The following PCDH11X variants were observed in gnomAD, a reference collection of about 807,000 sequenced individuals.
PCDH11X encodes the protein protocadherin 11 X-linked.
A neutral mutation model predicts 53.3 loss-of-function variants in PCDH11X; 18 were observed. That is an observed-to-expected ratio of 0.34 (90% CI 0.23 to 0.50). The LOEUF (loss-of-function observed/expected upper bound fraction) is 0.50. Among genes scored for constraint, PCDH11X ranks in the 20% least tolerant of loss-of-function variants. The pLI is 0.98. For synonymous variants in PCDH11X, 279 were observed against 393.3 expected (o/e 0.71, Z 3.44); for missense variants, 570 against 1,032.4 (o/e 0.55, Z 6.14).
In PCDH11X at chrX:92,605,998, G is replaced by A. The variant is rs184543220; in HGVS notation, c.3368-12266G>A. Among the ~76,000 whole-genome samples the A allele has an allele frequency of 1.5e-4, 17 of 110,487 alleles. No homozygotes were observed. The East Asian group carries it at 3.2e-3, about 21-fold the overall frequency. ...TGTAATCCCAGCACTTTGGGAGACC[G>A]AGGCGGGCGGATCACCTGAGGTTGG... On this transcript the variant is annotated intron_variant, in intron 10 of 10. Transcript: ENST00000682573.
intron 7 of PCDH11X, among the ~76,000 whole-genome samples, chrX:92,249,918 A>G (rs1158342871): frequency 9.0e-6 from 1 of 111,558 alleles, no homozygotes; most frequent in African/African-American, 3.2e-5. Context: ...TCGTCCCATG[A>G]TATTGTGTCT....
intron 7 of PCDH11X, among the ~76,000 whole-genome samples, chrX:92,233,790 T>G (rs758997980): frequency 2.8e-4 from 32 of 112,428 alleles, no homozygotes; most frequent in Middle Eastern, 9.2e-3. Flanking sequence ...CACAGTGTGT[T>G]ATGGATACAA....
intron 6 of PCDH11X, among the ~76,000 whole-genome samples, chrX:92,196,730 G>T (rs1033956834): frequency 9.0e-6 from 1 of 111,392 alleles, no homozygotes; most frequent in African/African-American, 3.3e-5. Flanking sequence ...GGGAATAGAA[G>T]ATTGTGAGGC....
chrX:92,434,449 T>C (rs1272416131), intron 9 of PCDH11X, among the ~76,000 whole-genome samples: 1 of 110,250 alleles, frequency 9.1e-6, no homozygotes, highest in Non-Finnish European at 1.9e-5. Flanking sequence ...TGAATTAAAT[T>C]TATAGGGTAA....
chrX:92,018,816 A>G (rs1159435107), intron 6 of PCDH11X, among the ~76,000 whole-genome samples: 1 of 112,643 alleles, frequency 8.9e-6, no homozygotes, highest in Non-Finnish European at 1.9e-5. Flanking sequence ...CCTGTGTTCT[A>G]GGCACACTAC....
intron 9 of PCDH11X, among the ~76,000 whole-genome samples, chrX:92,417,820 ATT>A (rs61034265): frequency 1.5e-5 from 1 of 67,535 alleles, no homozygotes; most frequent in Non-Finnish European, 2.6e-5. Flanking sequence ...CTTTTCTTCC[ATT>A]TTTTTTTTTT....
At chrX:92,129,495 C>T (rs2064932698) in intron 6 of PCDH11X, among the ~76,000 whole-genome samples, 1 of 112,037 alleles carries the variant, frequency 8.9e-6, no homozygotes, top group Non-Finnish European at 1.9e-5. Context: ...AACTGAAAAG[C>T]ATACAAATTT....
chrX:92,221,256 T>TAAA (rs201957495), intron 7 of PCDH11X, among the ~76,000 whole-genome samples: 96 of 91,908 alleles, frequency 1.0e-3, no homozygotes, highest in African/African-American at 3.6e-3. Flanking sequence ...ATTTTTTTTT[T>TAAA]AAAAAAGAAA....
At chrX:91,910,075 G>A (rs1941321995) in intron 6 of PCDH11X, among the ~76,000 whole-genome samples, 1 of 110,952 alleles carries the variant, frequency 9.0e-6, no homozygotes. Context: ...TCCAGTAGTA[G>A]TGAGCATTTT....
At chrX:92,420,872 A>T (rs967884584) in intron 9 of PCDH11X, among the ~76,000 whole-genome samples, 7 of 110,319 alleles carry the variant, frequency 6.3e-5, no homozygotes, top group African/African-American at 2.0e-4. Flanking sequence ...ATTTCTTCAC[A>T]TTTTTTTTAT....
intron 8 of PCDH11X, among the ~76,000 whole-genome samples, chrX:92,269,311 A>AT (rs1354149775): frequency 8.9e-6 from 1 of 112,072 alleles, no homozygotes; most frequent in Non-Finnish European, 1.9e-5. Flanking sequence ...CACTGAGCAC[A>AT]TTTAGGTAGA....
rs375232499 is a variant in PCDH11X at position 91,872,269 on chromosome X, T to C, written c.541-4512T>C. ...ATTACATTTTTGAACAGAAAAGAAG[T>C]AGTTGTTTCAGGAAATAATTTTGAA... On this transcript the variant is annotated intron_variant, in intron 5 of 10. Coordinates refer to ENST00000682573, the MANE Select transcript of PCDH11X (RefSeq NM_032968.5). Among the ~76,000 whole-genome samples the C allele has an allele frequency of 4.6e-3, 496 of 106,900 alleles. 4 individuals carry two copies. Among genetic ancestry groups the C allele is most frequent in the African/African-American group, 0.016 (478 of 29,520 alleles). 92.8% of individuals were successfully genotyped at this position (106,900 alleles called of 115,157 possible).
intron 7 of PCDH11X, among the ~76,000 whole-genome samples, chrX:92,213,664 A>C (rs1241667715): frequency 9.0e-6 from 1 of 111,564 alleles, no homozygotes; most frequent in Non-Finnish European, 1.9e-5. Context: ...TCCATAGATA[A>C]AAGGCTTATG....
intron 6 of PCDH11X, among the ~76,000 whole-genome samples, chrX:92,188,928 G>T (rs1249721006): frequency 4.5e-5 from 5 of 111,152 alleles, no homozygotes; most frequent in African/African-American, 1.6e-4. Context: ...TATATACTTG[G>T]AATATAATTT....
At position 92,506,786 on chromosome X, in the gene PCDH11X, G is replaced by A. The variant is rs1375382184; in HGVS notation, c.3367+38464G>A. On this transcript the variant is annotated intron_variant, in intron 10 of 10. Transcript: ENST00000682573. ...TTTTTGGAATCATTTCAGAAGGAATGATACAAGCTGTTCTCTATACATATG... is the reference window on the plus strand; with the variant it reads ...TTTTTGGAATCATTTCAGAAGGAATAATACAAGCTGTTCTCTATACATATG... Among the ~76,000 whole-genome samples the A allele has an allele frequency of 3.6e-5, 4 of 110,050 alleles. No individual in the cohort carries two copies. The East Asian group carries it at 1.2e-3, about 32-fold the overall frequency.
chrX:92,280,793 A>T (rs779549596), intron 8 of PCDH11X, among the ~76,000 whole-genome samples: 1,919 of 110,332 alleles, frequency 0.017, 22 homozygotes, highest in African/African-American at 0.036. Flanking sequence ...ATTTTTTTTA[A>T]AAAAAAATTG....
chrX:92,123,639 A>C (rs2064811075), intron 6 of PCDH11X, among the ~76,000 whole-genome samples: 1 of 99,914 alleles, frequency 1.0e-5, no homozygotes, highest in Admixed American at 1.2e-4. Flanking sequence ...CTGCCTCCAA[A>C]CTCTGTCATA....
intron 9 of PCDH11X, among the ~76,000 whole-genome samples, chrX:92,448,740 G>A (rs180800918): frequency 1.6e-4 from 17 of 109,639 alleles, no homozygotes; most frequent in African/African-American, 5.6e-4. Context: ...TACTTAATTA[G>A]CTTAATTAAC....
intron 10 of PCDH11X, among the ~76,000 whole-genome samples, chrX:92,575,969 A>C (rs1922852833): frequency 1.8e-5 from 1 of 56,020 alleles, no homozygotes; most frequent in Non-Finnish European, 3.2e-5. Flanking sequence ...ACACACACAC[A>C]CCTGGGGTGT....
Sources: allele counts gnomAD v4.1 joint callset (sites outside exome capture counted in the v4.1 genomes callset), GRCh38; gene constraint gnomAD v4.1.1; transcripts MANE v1.5; gene names NCBI Gene and HGNC (gene_info 2026-07-23, HGNC 2026-07-21).